Variants in KIAA0232 observed in about 807,000 individuals in gnomAD.
KIAA0232 encodes the protein KIAA0232.
A neutral mutation model predicts 122.0 loss-of-function variants in KIAA0232; 27 were observed. The observed-to-expected ratio is 0.22, with a 90% CI of 0.16 to 0.31. The LOEUF (loss-of-function observed/expected upper bound fraction) is 0.31, where lower values mean the gene tolerates loss of function less well. KIAA0232 is among the 10% of genes least tolerant of loss of function. The pLI, the probability that KIAA0232 is intolerant of heterozygous loss-of-function variation, is 1.00. For missense variants in KIAA0232, 1,551 were observed against 1,634.2 expected (o/e 0.95, Z 0.88); for synonymous variants, 613 against 587.6 (o/e 1.04, Z -0.63).
At chr4:6,880,720 T>TA in intron 9 of KIAA0232, 67 bp from the exon 10 acceptor site, 1 of 1,051,290 alleles carries the variant, frequency 9.5e-7, no homozygotes, top group Non-Finnish European at 1.3e-6. Context: ...TGTATATAGA[T>TA]AGAGTATCTC....
At chr4:6,880,317 G>T (rs9790587) in intron 9 of KIAA0232, among the ~76,000 whole-genome samples, 1 of 6,800 alleles carries the variant, frequency 1.5e-4, no homozygotes, top group Non-Finnish European at 6.4e-4. Flanking sequence ...CTGTAGTGTC[G>T]CCTCACCATC....
intron 5 of KIAA0232, among the ~76,000 whole-genome samples, chr4:6,858,184 C>CTGTA (rs1720662616): frequency 1.3e-5 from 2 of 152,294 alleles, no homozygotes; most frequent in African/African-American, 4.8e-5. Flanking sequence ...CTCTAGAGCA[C>CTGTA]TGTATCAGTG....
Position 6,883,693 on chromosome 4 carries a change from A to G in KIAA0232, c.*2727A>G, listed in dbSNP as rs573492182. The G allele has an allele frequency of 2.6e-5, 4 of 152,334 alleles. No homozygotes were observed. Among genetic ancestry groups the G allele is most frequent in the Non-Finnish European group, 4.4e-5 (3 of 68,022 alleles). 9.4% of individuals were successfully genotyped at this position (152,334 alleles called of 1,614,324 possible). ...AATCTTTTTGTTTTCTTCTGGGGAA[A>G]AAATTAAATCTTTATATGTTAATAT... On this transcript the variant is annotated 3_prime_UTR_variant, in exon 10 of 10. Coordinates refer to ENST00000307659, the MANE Select transcript of KIAA0232 (RefSeq NM_014743.3).
chr4:6,843,023 G>A (rs1190504270), intron 4 of KIAA0232, among the ~76,000 whole-genome samples: 1 of 152,032 alleles, frequency 6.6e-6, no homozygotes, highest in Non-Finnish European at 1.5e-5. Flanking sequence ...ATTGGCATAT[G>A]ATTTATATAT....
At chr4:6,783,942 G>C (rs986417401) in intron 1 of KIAA0232, among the ~76,000 whole-genome samples, 1 of 152,120 alleles carries the variant, frequency 6.6e-6, no homozygotes, top group East Asian at 1.9e-4. Context: ...GGAATGCTTC[G>C]TCTTGCCCTA....
Position 6,855,903 on chromosome 4 carries a change from G to A in KIAA0232, c.370-1261G>A. On this transcript the variant is annotated intron_variant, in intron 4 of 9. Transcript: ENST00000307659. The surrounding 1 kb of genome is among the most constrained non-coding windows in gnomAD (Gnocchi z 4.3). ...TGTCACACCTTGAGCATTATGGTAA[G>A]CAGGTGCTTTCTGGTGCAACTGTTT... 1 of 978,954 alleles carries A rather than the reference G, an allele frequency of 1.0e-6. No individual in the cohort carries two copies. Among genetic ancestry groups the A allele is most frequent in the Non-Finnish European group, 1.2e-6 (1 of 824,144 alleles). 60.6% of individuals were successfully genotyped at this position (978,954 alleles called of 1,614,324 possible).
At chr4:6,788,369 C>T (rs909994253) in intron 1 of KIAA0232, among the ~76,000 whole-genome samples, 5 of 152,186 alleles carry the variant, frequency 3.3e-5, no homozygotes, top group East Asian at 3.8e-4. Context: ...TGGCCACTTC[C>T]GTTATTGGCA....
In KIAA0232 at chr4:6,799,189, C is replaced by T. The variant is rs186118423; in HGVS notation, c.-353-5334C>T. Among the ~76,000 whole-genome samples the T allele has an allele frequency of 7.3e-5, 11 of 151,612 alleles. No homozygotes were observed. The East Asian group carries it at 1.4e-3, about 19-fold the overall frequency. On this transcript the variant is annotated intron_variant, in intron 1 of 9. Transcript: ENST00000307659. ...ACTGCAGTCTCCGCATCTGTCTTCA[C>T]GTGGGATTCTCCCCTGCATGTCTCT...
chr4:6,833,461 C>A (rs1719100981), intron 3 of KIAA0232, among the ~76,000 whole-genome samples: 1 of 151,856 alleles, frequency 6.6e-6, no homozygotes, highest in African/African-American at 2.4e-5. Context: ...GAAACCCTGT[C>A]TCTACAAATA....
intron 3 of KIAA0232, among the ~76,000 whole-genome samples, chr4:6,830,890 C>T (rs1186144851): frequency 6.6e-6 from 1 of 152,040 alleles, no homozygotes; most frequent in Non-Finnish European, 1.5e-5. Context: ...AGGGTACAAG[C>T]ACCTGGAACC....
At chr4:6,816,541 C>CA (rs1156663409) in intron 2 of KIAA0232, among the ~76,000 whole-genome samples, 1 of 152,156 alleles carries the variant, frequency 6.6e-6, no homozygotes, top group African/African-American at 2.4e-5. Flanking sequence ...CTCGGCCTCC[C>CA]AAAGTGCTGG....
At chr4:6,840,422 C>T (rs371558164) in intron 3 of KIAA0232, among the ~76,000 whole-genome samples, 1 of 152,152 alleles carries the variant, frequency 6.6e-6, no homozygotes, top group South Asian at 2.1e-4. Context: ...GAGGCAGGGG[C>T]GTATGCTCAG....
chr4:6,861,784 G>A lies in KIAA0232; in HGVS notation c.1402G>A (p.Gly468Ser), dbSNP rs1720884314. ...CCTCGCAGCAGGTACTTTCATTGAT[G>A]GTCATTTTGTAGAAATGCCTGCAGT... ...TYLAAGTFIDGHFVEMPAVIN... is the reference protein window; with the variant it reads ...TYLAAGTFIDSHFVEMPAVIN... The change falls in exon 7 of 10, where the codon GGT becomes AGT. Residue 468 changes from glycine (G) to serine (S), a missense_variant. By Grantham distance (56) the Gly-to-Ser change is moderately conservative. Coordinates refer to ENST00000307659, the MANE Select transcript of KIAA0232 (RefSeq NM_014743.3). 9.3e-6 allele frequency: 15 copies of A among 1,614,038 alleles called. No homozygotes were observed. Among genetic ancestry groups the A allele is most frequent in the Non-Finnish European group, 1.1e-5 (13 of 1,180,018 alleles).
intron 4 of KIAA0232, among the ~76,000 whole-genome samples, chr4:6,845,423 T>G (rs1189119002): frequency 1.3e-5 from 2 of 152,144 alleles, no homozygotes; most frequent in Non-Finnish European, 2.9e-5. Context: ...TTTGAACTCC[T>G]GGGCTCAAGA....
intron 5 of KIAA0232, 40 bp from the exon 6 acceptor site, chr4:6,858,385 G>A: frequency 8.2e-7 from 1 of 1,221,372 alleles, no homozygotes; most frequent in East Asian, 2.4e-5. Context: ...TTATTAACTA[G>A]ATATAAGACA....
At chr4:6,823,898 G>T (rs1392417938) in intron 2 of KIAA0232, among the ~76,000 whole-genome samples, 1 of 152,104 alleles carries the variant, frequency 6.6e-6, no homozygotes, top group Non-Finnish European at 1.5e-5. Flanking sequence ...GAGCGCAGGG[G>T]TTATTCATAG....
intron 3 of KIAA0232, among the ~76,000 whole-genome samples, chr4:6,838,179 A>G (rs1028317135): frequency 2.1e-5 from 3 of 139,646 alleles, no homozygotes; most frequent in Non-Finnish European, 4.6e-5. Flanking sequence ...TATGAGGGTA[A>G]CAAAGATAGC....
chr4:6,792,015 T>TG (rs755407808), intron 1 of KIAA0232, among the ~76,000 whole-genome samples: 23 of 152,234 alleles, frequency 1.5e-4, no homozygotes, highest in Non-Finnish European at 2.6e-4. Flanking sequence ...CTTTTGACTG[T>TG]CACCATCCAT....
At chr4:6,799,904 A>C (rs1194532275) in intron 1 of KIAA0232, among the ~76,000 whole-genome samples, 1 of 151,592 alleles carries the variant, frequency 6.6e-6, no homozygotes, top group African/African-American at 2.4e-5. Context: ...CATGTTGGCC[A>C]GGATAGTCTC....
Sources: allele counts gnomAD v4.1 joint callset (sites outside exome capture counted in the v4.1 genomes callset), GRCh38; gene constraint gnomAD v4.1.1; non-coding constraint Gnocchi (gnomAD v3.1); transcripts MANE v1.5; gene names NCBI Gene and HGNC (gene_info 2026-07-23, HGNC 2026-07-21).